Variants in BAZ1A observed in about 807,000 individuals in gnomAD.
The protein encoded by BAZ1A is bromodomain adjacent to zinc finger domain protein 1A.
BAZ1A carries 50 observed loss-of-function variants against 185.2 expected under a neutral mutation model. The observed-to-expected ratio is 0.27, with a 90% CI of 0.22 to 0.34. BAZ1A has a LOEUF of 0.34. BAZ1A is among the 10% of genes least tolerant of loss of function. The probability of loss-of-function intolerance (pLI) is 1.00; values close to 1 mark genes in which losing one functional copy is unlikely to be tolerated. For missense variants in BAZ1A, 1,356 were observed against 1,839.9 expected (o/e 0.74, Z 4.81); for synonymous variants, 571 against 615.6 (o/e 0.93, Z 1.07).
Position 34,783,153 on chromosome 14 carries a change from C to T in BAZ1A, c.2077G>A (p.Glu693Lys). ...ATATCTGCCGTTGAATTTCTTTGCT[C>T]ATCTTCTTTCAGTTTTTCTTGTTTC... is the stretch of plus-strand genomic sequence containing the variant. The part of the protein sequence containing the change: ...KEKQEKLKED[E>K]QRNSTADISI... Residue 693 changes from glutamate (E) to lysine (K), a missense_variant, in exon 16 of 27, where the codon GAG (glutamate) becomes AAG (lysine). Physicochemically the swap from Glu to Lys is moderately conservative, Grantham distance 56. Transcript: ENST00000360310. 1.9e-6 allele frequency: 3 copies of T among 1,607,788 alleles called. No homozygotes were observed. The highest frequency in any genetic ancestry group is 2.6e-6 in the Non-Finnish European group (3 of 1,176,090).
In BAZ1A at chr14:34,762,056, A is replaced by G. The variant is rs779187494; in HGVS notation, c.3944T>C (p.Leu1315Pro). 6.2e-7 allele frequency: 1 copy of G among 1,614,152 alleles called. No homozygotes were observed. Among genetic ancestry groups the G allele is most frequent in the Non-Finnish European group, 8.5e-7 (1 of 1,180,024 alleles). Residue 1315 changes from leucine (L) to proline (P), a missense_variant, in exon 24 of 27, where the codon CTA becomes CCA. Physicochemically the swap from Leu to Pro is moderately conservative, Grantham distance 98. Around this residue, in one of 7 missense-constraint regions of BAZ1A, gnomAD observed 309 missense variants for 355.3 expected, o/e 0.87. Transcript: ENST00000360310. Reference sequence around the variant, plus strand: ...AGGAGGAGCAGAGTTTATCTTTCTTAGGCTTCTACCAGTTTTAGAAGAAAC... The same window carrying G: ...AGGAGGAGCAGAGTTTATCTTTCTTGGGCTTCTACCAGTTTTAGAAGAAAC... ...TTVSSKTGRS[L>P]RKINSAPPTE...
In BAZ1A at chr14:34,807,495, G is replaced by A; in HGVS notation, c.682C>T (p.Leu228=). ...LFSRDKLKLF[L]KQHCEPQDGV... ...TCTTGTGGTTCACAGTGTTGCTTCA[G>A]AAAAAGCTTTAGTTTATCACGAGAA... Residue 228 remains leucine (L), a synonymous_variant, in exon 6 of 27, where the codon CTG becomes TTG. Coordinates refer to ENST00000360310, the MANE Select transcript of BAZ1A (RefSeq NM_013448.3). The A allele has an allele frequency of 6.2e-7, 1 of 1,612,524 alleles. No individual in the cohort carries two copies. Among genetic ancestry groups the A allele is most frequent in the South Asian group, 1.1e-5 (1 of 90,870 alleles).
chr14:34,808,657 C>T (rs2041886436), intron 5 of BAZ1A, among the ~76,000 whole-genome samples: 1 of 151,968 alleles, frequency 6.6e-6, no homozygotes, highest in Non-Finnish European at 1.5e-5. Context: ...CTCATGACAA[C>T]CAGCAAATTA....
In BAZ1A at chr14:34,758,705, T is replaced by C; in HGVS notation, c.4385A>G (p.Gln1462Arg). The change falls in exon 25 of 27, where the codon CAG becomes CGG. Residue 1462 changes from glutamine (Q) to arginine (R), a missense_variant and splice_region_variant. Gln to Arg is a conservative substitution (Grantham distance 43). Around this residue, in one of 7 missense-constraint regions of BAZ1A, gnomAD observed 61 missense variants for 117.9 expected, o/e 0.52. Coordinates refer to ENST00000360310, the MANE Select transcript of BAZ1A (RefSeq NM_013448.3). The part of the protein sequence containing the change: ...WPFLKLVSKI[Q>R]VPDYYDIIKK... The stretch of plus-strand genomic sequence containing the variant: ...CATTTTATCAAGTCTAGTAATTACC[T>C]GGATTTTAGAAACAAGTTTCAAAAA... 6.2e-7 allele frequency: 1 copy of C among 1,613,904 alleles called. No individual in the cohort carries two copies. Among genetic ancestry groups the C allele is most frequent in the Non-Finnish European group, 8.5e-7 (1 of 1,179,876 alleles).
intron 8 of BAZ1A, among the ~76,000 whole-genome samples, chr14:34,800,724 C>T (rs1170994039): frequency 6.6e-6 from 1 of 152,178 alleles, no homozygotes; most frequent in Non-Finnish European, 1.5e-5. Context: ...TTAGAATCTT[C>T]ATCATTTTGA....
chr14:34,844,920 T>C (rs2042484631), intron 3 of BAZ1A, among the ~76,000 whole-genome samples: 1 of 152,202 alleles, frequency 6.6e-6, no homozygotes, highest in Admixed American at 6.5e-5. Context: ...TTTTGTGATA[T>C]GTAAAATAAT....
At chr14:34,754,058 G>A (rs1434683080) in intron 26 of BAZ1A, among the ~76,000 whole-genome samples, 2 of 151,788 alleles carry the variant, frequency 1.3e-5, no homozygotes, top group Non-Finnish European at 2.9e-5. Flanking sequence ...TTCGACACCA[G>A]CCTGGGCAAC....
chr14:34,864,220 T>C (rs771303905), intron 2 of BAZ1A, among the ~76,000 whole-genome samples: 1 of 152,030 alleles, frequency 6.6e-6, no homozygotes, highest in African/African-American at 2.4e-5. Flanking sequence ...CTTAGCTCAC[T>C]GCAAATTCTG....
At chr14:34,807,982 G>A (rs922546676) in intron 5 of BAZ1A, among the ~76,000 whole-genome samples, 1 of 151,976 alleles carries the variant, frequency 6.6e-6, no homozygotes, top group Non-Finnish European at 1.5e-5. Context: ...GCGCGTGCCT[G>A]TAGTCCCAGC....
At chr14:34,782,249 G>A (rs1181263561) in intron 16 of BAZ1A, among the ~76,000 whole-genome samples, 1 of 152,166 alleles carries the variant, frequency 6.6e-6, no homozygotes, top group African/African-American at 2.4e-5. Context: ...TTGTCAATTT[G>A]ATTATAGCCA....
intron 17 of BAZ1A, 147 bp downstream of exon 17, chr14:34,780,039 G>T: frequency 1.0e-6 from 1 of 982,516 alleles, no homozygotes; most frequent in Non-Finnish European, 1.5e-6. Flanking sequence ...ACTCATCACA[G>T]CTATGAGGTG....
chr14:34,804,052 G>A (rs527928705), intron 6 of BAZ1A, among the ~76,000 whole-genome samples: 1 of 152,146 alleles, frequency 6.6e-6, no homozygotes, highest in East Asian at 1.9e-4. Context: ...CTGTCATCCT[G>A]GCTGAAGTGT....
intron 3 of BAZ1A, among the ~76,000 whole-genome samples, chr14:34,832,191 T>TACAC (rs57379319): frequency 0.011 from 1,023 of 96,598 alleles, 57 homozygotes; most frequent in African/African-American, 0.033. Flanking sequence ...TATATACATA[T>TACAC]ACACACACAC....
At chr14:34,821,359 A>ACC (rs1236470901) in intron 4 of BAZ1A, among the ~76,000 whole-genome samples, 1 of 152,252 alleles carries the variant, frequency 6.6e-6, no homozygotes, top group East Asian at 1.9e-4. Flanking sequence ...ACATGAAAAA[A>ACC]TGTTAATGAA....
At chr14:34,786,608 T>TTTTG (rs1555339556) in intron 12 of BAZ1A, 2 of 142,580 alleles carry the variant, frequency 1.4e-5, no homozygotes, top group Non-Finnish European at 3.0e-5. Context: ...TATGTGTGTT[T>TTTTG]TTTTTTTTTT....
At chr14:34,803,061 C>T (rs1881654803) in intron 6 of BAZ1A, 73 bp from the exon 7 acceptor site, 46 of 1,409,758 alleles carry the variant, frequency 3.3e-5, no homozygotes, top group Non-Finnish European at 4.5e-5. Context: ...CCTAACATGT[C>T]ATATGGCCAC....
At chr14:34,815,412 C>A (rs1181618090) in intron 4 of BAZ1A, among the ~76,000 whole-genome samples, 2 of 152,140 alleles carry the variant, frequency 1.3e-5, no homozygotes, top group East Asian at 3.8e-4. Context: ...TTTCTTGCTA[C>A]CCAAAGCCTT....
chr14:34,816,966 G>T, intron 4 of BAZ1A: 1 of 269,822 alleles, frequency 3.7e-6, no homozygotes, highest in Non-Finnish European at 7.7e-6. Flanking sequence ...GAACAATAGC[G>T]GACAATATAA....
intron 2 of BAZ1A, among the ~76,000 whole-genome samples, chr14:34,867,130 G>A (rs1252053448): frequency 6.6e-6 from 1 of 151,954 alleles, no homozygotes; most frequent in African/African-American, 2.4e-5. Flanking sequence ...GTGGTGGCAC[G>A]CGCCTGTAGT....
Sources: allele counts gnomAD v4.1 joint callset (sites outside exome capture counted in the v4.1 genomes callset), GRCh38; gene constraint gnomAD v4.1.1; regional missense constraint gnomAD v4.1.1; transcripts MANE v1.5; gene names NCBI Gene and HGNC (gene_info 2026-07-23, HGNC 2026-07-21).